The following COL19A1 variants were observed in gnomAD, a reference collection of about 807,000 sequenced individuals.
COL19A1 encodes collagen alpha-1(XIX) chain.
A neutral mutation model predicts 190.2 loss-of-function variants in COL19A1; 159 were observed. The ratio of observed to expected loss-of-function variants is 0.84; its 90% CI spans 0.73 to 0.95. COL19A1 has a LOEUF of 0.95. Among genes scored for constraint, COL19A1 ranks in the 40% least tolerant of loss-of-function variants. The pLI is 0.00. For missense variants in COL19A1, 1,418 were observed against 1,431.9 expected (o/e 0.99, Z 0.16); for synonymous variants, 509 against 458.9 (o/e 1.11, Z -1.39).
chr6:70,131,389 G>A (rs1360802462), intron 18 of COL19A1, among the ~76,000 whole-genome samples: 1 of 152,130 alleles, frequency 6.6e-6, no homozygotes, highest in African/African-American at 2.4e-5. Context: ...ATCACCAGAA[G>A]TTACTGCTAA....
intron 34 of COL19A1, among the ~76,000 whole-genome samples, chr6:70,161,599 AT>A (rs1373429326): frequency 3.3e-5 from 5 of 152,280 alleles, no homozygotes; most frequent in Middle Eastern, 3.4e-3. Context: ...GGTGTGAAGG[AT>A]GAAAAACTAC....
chr6:70,009,527 T>G (rs182574011), intron 11 of COL19A1, among the ~76,000 whole-genome samples: 2 of 152,130 alleles, frequency 1.3e-5, no homozygotes, highest in South Asian at 4.1e-4. Flanking sequence ...GTTCTTTAGA[T>G]ATTGATCTAT....
At chr6:70,181,673 A>ACACACACACACC (rs1348219252) in intron 44 of COL19A1, among the ~76,000 whole-genome samples, 72 of 151,818 alleles carry the variant, frequency 4.7e-4, no homozygotes, top group African/African-American at 1.6e-3. Context: ...ACACACACAC[A>ACACACACACACC]CACACACAGA....
rs3806048 is a variant in COL19A1 at position 70,170,710 on chromosome 6, A to G, written c.2569-1254A>G. Among the ~76,000 whole-genome samples, 12 of 151,606 alleles carry G rather than the reference A, an allele frequency of 7.9e-5. No individual in the cohort carries two copies. In the East Asian group the frequency reaches 2.3e-3, roughly 29 times the overall value. On this transcript the variant is annotated intron_variant, in intron 40 of 50. Coordinates refer to ENST00000620364, the MANE Select transcript of COL19A1 (RefSeq NM_001858.6). ...AACAGAATCTGAACTTTTTTTTTTG[A>G]TCAGTTGTCAAGTTACATATTAGGG...
rs1020296673 is a variant in COL19A1 at position 69,904,387 on chromosome 6, G to A, written c.266+4049G>A. 3.9e-5 allele frequency among the ~76,000 whole-genome samples: 6 copies of A among 152,196 alleles called. No individual in the cohort carries two copies. The East Asian group carries it at 5.8e-4, about 15-fold the overall frequency. On this transcript the variant is annotated intron_variant, in intron 4 of 50. Transcript: ENST00000620364. ...CATCGGCACAGATACAGCCACTGAC[G>A]AAGGGAGGGGTGAGTTGTGATAAAA...
intron 1 of COL19A1, among the ~76,000 whole-genome samples, chr6:69,873,696 ATAAT>A (rs1390485261): frequency 6.6e-6 from 1 of 152,216 alleles, no homozygotes; most frequent in African/African-American, 2.4e-5. Flanking sequence ...CACCCTCATA[ATAAT>A]TAACCCAATG....
chr6:70,109,947 AGTGCCTTCCGGCACTT>A (rs1403083266), intron 16 of COL19A1, among the ~76,000 whole-genome samples: 2 of 152,182 alleles, frequency 1.3e-5, no homozygotes, highest in African/African-American at 2.4e-5. Context: ...CATAGAACTA[AGTGCCTTCCGGCACTT>A]GTGCCCCCTT....
chr6:70,191,341 T>C (rs1315516095), intron 48 of COL19A1, among the ~76,000 whole-genome samples: 7 of 152,208 alleles, frequency 4.6e-5, no homozygotes, highest in African/African-American at 1.7e-4. Flanking sequence ...GATCTTATGT[T>C]TCCTCTTATT....
chr6:70,071,438 GT>G (rs1325126675), intron 15 of COL19A1, among the ~76,000 whole-genome samples: 1 of 152,062 alleles, frequency 6.6e-6, no homozygotes, highest in African/African-American at 2.4e-5. Flanking sequence ...AAATGTAGAA[GT>G]AATGTGCTTC....
chr6:69,942,817 T>A (rs866100519), intron 9 of COL19A1, among the ~76,000 whole-genome samples: 3 of 152,046 alleles, frequency 2.0e-5, no homozygotes, highest in Middle Eastern at 3.4e-3. Flanking sequence ...GACACCCATT[T>A]TGATTCCATG....
intron 4 of COL19A1, among the ~76,000 whole-genome samples, chr6:69,915,566 A>G (rs758799136): frequency 5.3e-5 from 8 of 152,280 alleles, no homozygotes; most frequent in South Asian, 2.1e-4. Flanking sequence ...AACTTTGTAG[A>G]TAACAATGGC....
chr6:70,130,344 G>A, intron 18 of COL19A1, 121 bp downstream of exon 18: 1 of 728,054 alleles, frequency 1.4e-6, no homozygotes, highest in Admixed American at 2.9e-5. Flanking sequence ...TCCTGCCTCA[G>A]CCTCCCAAGT....
intron 9 of COL19A1, among the ~76,000 whole-genome samples, chr6:69,946,174 A>G (rs796835603): frequency 5.6e-4 from 85 of 152,080 alleles, no homozygotes; most frequent in African/African-American, 2.0e-3. Flanking sequence ...TAACTCATTT[A>G]AACTCATTTA....
At chr6:69,874,785 A>T (rs1463357555) in intron 1 of COL19A1, among the ~76,000 whole-genome samples, 1 of 152,162 alleles carries the variant, frequency 6.6e-6, no homozygotes, top group Non-Finnish European at 1.5e-5. Context: ...GTGCAAAGAG[A>T]AATAATATTC....
intron 23 of COL19A1, among the ~76,000 whole-genome samples, chr6:70,143,516 C>T (rs1786398505): frequency 6.6e-6 from 1 of 152,068 alleles, no homozygotes; most frequent in South Asian, 2.1e-4. Flanking sequence ...GATTAGAGTT[C>T]CCTCCAGGCA....
In COL19A1 at chr6:70,208,036, G is replaced by T. The variant is rs1768000397; in HGVS notation, c.*762G>T. 6.6e-6 allele frequency: 1 copy of T among 152,096 alleles called. No homozygotes were observed. 9.4% of individuals were successfully genotyped at this position (152,096 alleles called of 1,614,324 possible). Reference sequence around the variant, plus strand: ...CAAATTCCAGTTTTGTATGAGTTCTGCAAAAAAAGCCTAATATTCTGTGGT... The same window carrying T: ...CAAATTCCAGTTTTGTATGAGTTCTTCAAAAAAAGCCTAATATTCTGTGGT... On this transcript the variant is annotated 3_prime_UTR_variant, in exon 51 of 51. Coordinates refer to ENST00000620364, the MANE Select transcript of COL19A1 (RefSeq NM_001858.6).
At chr6:70,069,037 G>A (rs1048141598) in intron 15 of COL19A1, among the ~76,000 whole-genome samples, 2 of 152,048 alleles carry the variant, frequency 1.3e-5, no homozygotes, top group African/African-American at 2.4e-5. Context: ...ATGACAACTG[G>A]TCAGCTTCAT....
intron 34 of COL19A1, 41 bp downstream of exon 34, chr6:70,156,764 T>C: frequency 2.0e-6 from 3 of 1,501,550 alleles, no homozygotes; most frequent in Non-Finnish European, 2.8e-6. Flanking sequence ...TAATATTGAT[T>C]CTCTTTACGT....
intron 4 of COL19A1, among the ~76,000 whole-genome samples, chr6:69,920,676 C>T (rs1771638566): frequency 6.6e-6 from 1 of 151,776 alleles, no homozygotes; most frequent in Non-Finnish European, 1.5e-5. Flanking sequence ...CTTGTGCCCT[C>T]ATAGGCCCAT....
Sources: allele counts gnomAD v4.1 joint callset (sites outside exome capture counted in the v4.1 genomes callset), GRCh38; gene constraint gnomAD v4.1.1; transcripts MANE v1.5; gene names NCBI Gene and HGNC (gene_info 2026-07-23, HGNC 2026-07-21).